The following ESRRB variants were observed in gnomAD, a reference collection of about 807,000 sequenced individuals.
ESRRB encodes the protein steroid hormone receptor ERR2.
A neutral mutation model predicts 46.0 loss-of-function variants in ESRRB; 16 were observed. The ratio of observed to expected loss-of-function variants is 0.35; its 90% CI spans 0.24 to 0.53. ESRRB has a LOEUF of 0.53. Ranked by LOEUF, ESRRB falls within the 20% of genes least tolerant of loss-of-function variation. The pLI, the probability that ESRRB is intolerant of heterozygous loss-of-function variation, is 0.93. For missense variants in ESRRB, 488 were observed against 607.4 expected (o/e 0.80, Z 2.07); for synonymous variants, 246 against 259.6 (o/e 0.95, Z 0.50).
chr14:76,359,104 T>C (rs920218634), intron 1 of ESRRB, among the ~76,000 whole-genome samples: 1 of 152,206 alleles, frequency 6.6e-6, no homozygotes, highest in Non-Finnish European at 1.5e-5. Flanking sequence ...CATCGCCACA[T>C]GTTCTTCCTT....
chr14:76,349,764 C>T (rs1884292381), intron 1 of ESRRB, among the ~76,000 whole-genome samples: 1 of 152,110 alleles, frequency 6.6e-6, no homozygotes, highest in South Asian at 2.1e-4. Context: ...GGAACAGTGC[C>T]TGACTCTGAG....
chr14:76,344,718 G>T (rs1884229453), intron 1 of ESRRB, among the ~76,000 whole-genome samples: 4 of 152,118 alleles, frequency 2.6e-5, no homozygotes, highest in Non-Finnish European at 5.9e-5. Context: ...CAGGCATGGT[G>T]GTGGGCACCT....
chr14:76,491,555 T>C lies in ESRRB; in HGVS notation c.959T>C (p.Leu320Pro), dbSNP rs1890229757. Residue 320 changes from leucine (L) to proline (P), a missense_variant, in exon 6 of 7, where the codon CTG becomes CCG. Coordinates refer to ENST00000644823, the MANE Select transcript of ESRRB (RefSeq NM_001379180.1). Reference sequence around the variant, plus strand: ...CGCTCGCTGCCCTATGACGACAAGCTGGTGTACGCTGAGGACTACATCATG... The same window carrying C: ...CGCTCGCTGCCCTATGACGACAAGCCGGTGTACGCTGAGGACTACATCATG... ...VYRSLPYDDKLVYAEDYIMDE... is the reference protein window; with the variant it reads ...VYRSLPYDDKPVYAEDYIMDE... The C allele has an allele frequency of 3.1e-6, 5 of 1,592,978 alleles. No homozygotes were observed. Among genetic ancestry groups the C allele is most frequent in the Non-Finnish European group, 4.3e-6 (5 of 1,170,222 alleles).
intron 1 of ESRRB, among the ~76,000 whole-genome samples, chr14:76,387,125 G>A (rs1595069155): frequency 6.6e-6 from 1 of 152,304 alleles, no homozygotes; most frequent in East Asian, 1.9e-4. Flanking sequence ...GCCCAAATCA[G>A]TGTTAGGTGG....
At position 76,500,791 on chromosome 14, in the gene ESRRB, C is replaced by A; in HGVS notation, c.*2333C>A. On this transcript the variant is annotated 3_prime_UTR_variant, in exon 7 of 7. Transcript: ENST00000644823. ...CACCTCACTGGATCTAGTGTTGCTG[C>A]GAGTGACCTCACTTCAGAGCCCCTC... 3 of 1,552,432 alleles carry A rather than the reference C, an allele frequency of 1.9e-6. No individual in the cohort carries two copies. The highest frequency in any genetic ancestry group is 2.7e-6 in the Non-Finnish European group (3 of 1,123,914).
At chr14:76,390,750 A>G (rs2139818763) in intron 1 of ESRRB, among the ~76,000 whole-genome samples, 1 of 152,338 alleles carries the variant, frequency 6.6e-6, no homozygotes, top group East Asian at 1.9e-4. Context: ...TAAGTGCGGG[A>G]AGTAAAAACC....
At chr14:76,490,669 T>C (rs1566615215) in intron 5 of ESRRB, among the ~76,000 whole-genome samples, 1 of 151,656 alleles carries the variant, frequency 6.6e-6, no homozygotes, top group Non-Finnish European at 1.5e-5. Context: ...TCTGGAGCCT[T>C]CTCCATGCCC....
chr14:76,453,122 C>G (rs569862578), intron 2 of ESRRB, among the ~76,000 whole-genome samples: 18 of 152,322 alleles, frequency 1.2e-4, no homozygotes, highest in African/African-American at 3.8e-4. Flanking sequence ...TTCATTCAAG[C>G]TCAAATTTGA....
intron 1 of ESRRB, among the ~76,000 whole-genome samples, chr14:76,394,040 A>G (rs1356629614): frequency 7.1e-6 from 1 of 141,152 alleles, no homozygotes; most frequent in Non-Finnish European, 1.5e-5. Context: ...ACCTCAGGTG[A>G]TCTACCCTCC....
intron 1 of ESRRB, among the ~76,000 whole-genome samples, chr14:76,423,533 A>G (rs1289224941): frequency 6.6e-6 from 1 of 151,926 alleles, no homozygotes; most frequent in Non-Finnish European, 1.5e-5. Context: ...GCTCCACTGG[A>G]CCCCAGGGGC....
chr14:76,467,683 C>T (rs1489799044), intron 3 of ESRRB, among the ~76,000 whole-genome samples: 1 of 152,080 alleles, frequency 6.6e-6, no homozygotes, highest in South Asian at 2.1e-4. Context: ...CTGGTCCCCA[C>T]TGTGGGTTCT....
intron 5 of ESRRB, among the ~76,000 whole-genome samples, chr14:76,491,060 G>A (rs1045938651): frequency 6.6e-6 from 1 of 152,194 alleles, no homozygotes; most frequent in African/African-American, 2.4e-5. Flanking sequence ...CCCCAGAGTG[G>A]CCGAGAGCAC....
At chr14:76,462,440 G>A in intron 2 of ESRRB, 105 bp from the exon 3 acceptor site, 1 of 798,690 alleles carries the variant, frequency 1.3e-6, no homozygotes, top group Non-Finnish European at 2.1e-6. Flanking sequence ...CTAGGGGGGA[G>A]TGGCAGCTCT....
chr14:76,340,837 G>A (rs1366559246), intron 1 of ESRRB, among the ~76,000 whole-genome samples: 1 of 152,198 alleles, frequency 6.6e-6, no homozygotes, highest in Admixed American at 6.5e-5. Flanking sequence ...CTGGCTTGGA[G>A]GTGATGGAAG....
chr14:76,435,477 G>A (rs1218674466), intron 1 of ESRRB, among the ~76,000 whole-genome samples: 1 of 152,212 alleles, frequency 6.6e-6, no homozygotes, highest in East Asian at 1.9e-4. Flanking sequence ...CATAGTAGGT[G>A]CAAAAAATAC....
chr14:76,419,057 C>G (rs1462886838), intron 1 of ESRRB, among the ~76,000 whole-genome samples: 1 of 151,938 alleles, frequency 6.6e-6, no homozygotes, highest in Non-Finnish European at 1.5e-5. Flanking sequence ...CTCTGTCACC[C>G]TGCCTGGAGT....
At chr14:76,431,273 G>A (rs980245393) in intron 1 of ESRRB, among the ~76,000 whole-genome samples, 1 of 152,144 alleles carries the variant, frequency 6.6e-6, no homozygotes, top group Non-Finnish European at 1.5e-5. Flanking sequence ...CAGCCTGGAT[G>A]ACAGAACAAG....
At chr14:76,344,238 A>G (rs1233911974) in intron 1 of ESRRB, among the ~76,000 whole-genome samples, 3 of 152,200 alleles carry the variant, frequency 2.0e-5, no homozygotes, top group Non-Finnish European at 2.9e-5. Flanking sequence ...AATATTCACT[A>G]TTGTTATTAG....
At chr14:76,342,807 G>C (rs1884207055) in intron 1 of ESRRB, among the ~76,000 whole-genome samples, 1 of 152,174 alleles carries the variant, frequency 6.6e-6, no homozygotes, top group African/African-American at 2.4e-5. Context: ...GAAAATTCTT[G>C]TTGAGCATCT....
Sources: gnomAD v4.1 joint callset for allele counts (sites outside exome capture counted in the v4.1 genomes callset) on GRCh38, gnomAD v4.1.1 for gene constraint, MANE v1.5 for transcripts, NCBI Gene and HGNC (gene_info 2026-07-23, HGNC 2026-07-21) for gene names.